OTOP1: variants seen among roughly 807,000 people sequenced by gnomAD.
The protein encoded by OTOP1 is otopetrin 1.
In OTOP1, 59 loss-of-function variants were observed where a neutral mutation model predicts 52.9. The observed-to-expected ratio is 1.12, with a 90% CI of 0.91 to 1.39. OTOP1 has a LOEUF of 1.39. Among genes scored for constraint, OTOP1 ranks in the 40% most tolerant of loss-of-function variants. The probability of loss-of-function intolerance (pLI) is 0.00; values close to 1 mark genes in which losing one functional copy is unlikely to be tolerated. For missense variants in OTOP1, 761 were observed against 800.9 expected (o/e 0.95, Z 0.60); for synonymous variants, 317 against 337.7 (o/e 0.94, Z 0.67).
chr4:4,222,661 T>C (rs934522072), intron 1 of OTOP1, among the ~76,000 whole-genome samples: 5 of 152,222 alleles, frequency 3.3e-5, no homozygotes, highest in African/African-American at 9.6e-5. Flanking sequence ...AAGACCCTCA[T>C]AGTGGCCCCA....
chr4:4,207,823 G>C (rs145184420), intron 2 of OTOP1, among the ~76,000 whole-genome samples: 189 of 152,240 alleles, frequency 1.2e-3, no homozygotes, highest in African/African-American at 4.0e-3. Flanking sequence ...ACACGCATCT[G>C]GGAGACAGGT....
At chr4:4,219,489 C>T (rs527376431) in intron 1 of OTOP1, among the ~76,000 whole-genome samples, 4 of 151,926 alleles carry the variant, frequency 2.6e-5, no homozygotes, top group South Asian at 4.2e-4. Flanking sequence ...ATCAGGATGT[C>T]GGGAGATCGA....
intron 2 of OTOP1, among the ~76,000 whole-genome samples, chr4:4,212,102 T>TA (rs1194729575): frequency 6.6e-6 from 1 of 151,946 alleles, no homozygotes; most frequent in African/African-American, 2.4e-5. Flanking sequence ...AACATATACA[T>TA]AAAAAAGAAA....
intron 2 of OTOP1, among the ~76,000 whole-genome samples, chr4:4,209,117 G>T (rs1344445184): frequency 6.6e-6 from 1 of 152,178 alleles, no homozygotes; most frequent in African/African-American, 2.4e-5. Flanking sequence ...AGCAGGAGAT[G>T]CATGAAGGGT....
At chr4:4,213,881 G>A (rs1293258299) in intron 1 of OTOP1, among the ~76,000 whole-genome samples, 1 of 152,176 alleles carries the variant, frequency 6.6e-6, no homozygotes, top group Non-Finnish European at 1.5e-5. Flanking sequence ...CTTGAGGTCA[G>A]AAGTTGGAGA....
At chr4:4,192,606 A>G (rs1386661036) in intron 5 of OTOP1, among the ~76,000 whole-genome samples, 1 of 152,082 alleles carries the variant, frequency 6.6e-6, no homozygotes, top group Non-Finnish European at 1.5e-5. Flanking sequence ...TTCCTTCCAC[A>G]CTGACCTCCA....
intron 4 of OTOP1, among the ~76,000 whole-genome samples, chr4:4,199,103 C>A (rs1435567718): frequency 1.3e-5 from 2 of 151,974 alleles, no homozygotes; most frequent in African/African-American, 2.4e-5. Flanking sequence ...GCAGGAGAAT[C>A]ACTTGAACCT....
At chr4:4,193,516 C>G (rs1176381584) in intron 5 of OTOP1, among the ~76,000 whole-genome samples, 2 of 151,790 alleles carry the variant, frequency 1.3e-5, no homozygotes, top group Non-Finnish European at 2.9e-5. Context: ...AGCTCTTGCT[C>G]TCTGCCAGAT....
chr4:4,205,069 G>A (rs1000044445), intron 3 of OTOP1, among the ~76,000 whole-genome samples: 6 of 152,186 alleles, frequency 3.9e-5, no homozygotes, highest in African/African-American at 1.4e-4. Flanking sequence ...ACCGCGCCCA[G>A]TCCTACATGG....
chr4:4,196,239 T>C (rs1716620292), intron 5 of OTOP1, among the ~76,000 whole-genome samples: 2 of 151,176 alleles, frequency 1.3e-5, no homozygotes, highest in African/African-American at 2.4e-5. Context: ...GGCAGCACAG[T>C]GAGAACCTAT....
At chr4:4,194,300 T>TG (rs1270950739) in intron 5 of OTOP1, among the ~76,000 whole-genome samples, 5 of 152,202 alleles carry the variant, frequency 3.3e-5, no homozygotes, top group Non-Finnish European at 5.9e-5. Context: ...AACATGCACC[T>TG]CAAAAAAATG....
intron 3 of OTOP1, among the ~76,000 whole-genome samples, chr4:4,203,766 T>C (rs1205153046): frequency 6.6e-6 from 1 of 152,188 alleles, no homozygotes; most frequent in Non-Finnish European, 1.5e-5. Flanking sequence ...TCTTTAAAAC[T>C]TTCTATGGAA....
intron 2 of OTOP1, among the ~76,000 whole-genome samples, chr4:4,208,704 C>G (rs530033500): frequency 1.3e-5 from 2 of 150,236 alleles, no homozygotes; most frequent in South Asian, 4.2e-4. Context: ...GGTTGTACAA[C>G]AAGTGAATGT....
At position 4,188,800 on chromosome 4, in the gene OTOP1, A is replaced by G; in HGVS notation, c.*3T>C. The G allele has an allele frequency of 1.9e-6, 3 of 1,610,474 alleles. No homozygotes were observed. The highest frequency in any genetic ancestry group is 2.5e-6 in the Non-Finnish European group (3 of 1,178,190). ...TCACTCCTAGGTCTCTTGTGGACCCAGACTATATCTTACAATAGACCTCAA... is the reference window on the plus strand; with the variant it reads ...TCACTCCTAGGTCTCTTGTGGACCCGGACTATATCTTACAATAGACCTCAA... On this transcript the variant is annotated 3_prime_UTR_variant, in exon 6 of 6. Coordinates refer to ENST00000296358, the MANE Select transcript of OTOP1 (RefSeq NM_177998.3).
rs748162087 is a variant in OTOP1 at position 4,226,464 on chromosome 4, C to T, written c.401G>A (p.Arg134His). 5 of 1,451,628 alleles carry T rather than the reference C, an allele frequency of 3.4e-6. No individual in the cohort carries two copies. The highest frequency in any genetic ancestry group is 1.5e-5 in the African/African-American group (1 of 68,574). 89.9% of individuals were successfully genotyped at this position (1,451,628 alleles called of 1,614,324 possible). A position where few individuals can be genotyped will look rare whatever the true frequency, so the allele number is the denominator to read the frequency against. The stretch of plus-strand genomic sequence containing the variant: ...GCTCGCCCGGCGCCTGGACTCACCG[C>T]GCAGCCAGCCGGCACCCGCGTGCGT... ...KDTHAGAGWL[R>H]GSITLFAVIT... is the part of the protein sequence containing the mutation. The change falls in exon 1 of 6, where the codon CGC becomes CAC. Residue 134 changes from arginine to histidine, a missense_variant and splice_region_variant. This residue lies in a region of OTOP1 where 632 missense variants were observed against 619.5 expected (regional missense o/e 1.02). Transcript: ENST00000296358.
chr4:4,204,728 GT>G (rs1716859072), intron 3 of OTOP1, among the ~76,000 whole-genome samples: 1 of 17,112 alleles, frequency 5.8e-5, no homozygotes, highest in African/African-American at 4.2e-4. Flanking sequence ...GTGTGTGTGT[GT>G]GTGTGTGTGT....
At chr4:4,191,754 T>C (rs73209133) in intron 5 of OTOP1, among the ~76,000 whole-genome samples, 9,286 of 152,280 alleles carry the variant, frequency 0.061, 391 homozygotes, top group South Asian at 0.11. Flanking sequence ...AAGGTGTCTT[T>C]CTTGCTCAGC....
intron 2 of OTOP1, among the ~76,000 whole-genome samples, chr4:4,210,482 T>C (rs1234973562): frequency 1.3e-5 from 2 of 152,168 alleles, no homozygotes; most frequent in Non-Finnish European, 2.9e-5. Context: ...TTTCCTCCAG[T>C]GTCTTTACAT....
intron 5 of OTOP1, among the ~76,000 whole-genome samples, chr4:4,189,263 C>T (rs1458433097): frequency 2.0e-5 from 3 of 152,240 alleles, no homozygotes; most frequent in African/African-American, 7.2e-5. Context: ...CCTCGCCCAG[C>T]CTCGGTTTCC....
Sources: gnomAD v4.1 joint callset for allele counts (sites outside exome capture counted in the v4.1 genomes callset) on GRCh38, gnomAD v4.1.1 for gene constraint, gnomAD v4.1.1 regional missense constraint, MANE v1.5 for transcripts, NCBI Gene and HGNC (gene_info 2026-07-23, HGNC 2026-07-21) for gene names.